Variants in CLVS1 observed in about 807,000 individuals in gnomAD.
CLVS1 encodes clavesin-1.
CLVS1 carries 10 observed loss-of-function variants against 33.1 expected under a neutral mutation model. The ratio of observed to expected loss-of-function variants is 0.30; its 90% confidence interval spans 0.19 to 0.51. The LOEUF (loss-of-function observed/expected upper bound fraction) is 0.51. Ranked by LOEUF, CLVS1 falls within the 20% of genes least tolerant of loss-of-function variation. The pLI, the probability that CLVS1 is intolerant of heterozygous loss-of-function variation, is 0.97. For synonymous variants in CLVS1, 163 were observed against 166.1 expected (o/e 0.98, Z 0.14); for missense variants, 343 against 433.4 (o/e 0.79, Z 1.85).
At chr8:61,487,663 G>A (rs2640232) in intron 5 of CLVS1, among the ~76,000 whole-genome samples, 25,538 of 152,046 alleles carry the variant, frequency 0.17, 2,295 homozygotes, top group African/African-American at 0.24. Flanking sequence ...CACAATTTTC[G>A]TGCACTGCAC....
At position 61,166,317 on chromosome 8, in the gene CLVS1, G is replaced by A. The variant is rs371251275; in HGVS notation, c.-152+34457G>A. ...TAATTTTTGTATTTTTAGTACAGACGGGATTTCACCATGTTGCCCACAATT... is the reference window on the plus strand; with the variant it reads ...TAATTTTTGTATTTTTAGTACAGACAGGATTTCACCATGTTGCCCACAATT... On this transcript the variant is annotated intron_variant, in intron 2 of 2. Transcript: ENST00000522621. Among the ~76,000 whole-genome samples the A allele has an allele frequency of 2.0e-5, 3 of 151,852 alleles. No homozygotes were observed. In the East Asian group the frequency reaches 5.8e-4, roughly 29 times the overall value.
the CLVS1 span, among the ~76,000 whole-genome samples, chr8:61,029,013 C>T: frequency 1.3e-5 from 2 of 152,202 alleles, no homozygotes; most frequent in African/African-American, 4.8e-5. Flanking sequence ...GCCTAGGGTT[C>T]TTGTTTCTAA....
At chr8:61,202,488 G>T in intron 2 of CLVS1, 1 of 906,514 alleles carries the variant, frequency 1.1e-6, no homozygotes, top group Non-Finnish European at 1.8e-6. Flanking sequence ...CTTTAAGAAC[G>T]GTCAGTTTAG....
At chr8:61,098,970 G>A (rs973236567) in intron 1 of CLVS1, among the ~76,000 whole-genome samples, 2 of 152,070 alleles carry the variant, frequency 1.3e-5, no homozygotes, top group Non-Finnish European at 2.9e-5. Flanking sequence ...AAACAAAATA[G>A]GGTAATCACT....
chr8:61,387,466 CTTTTTTT>C (rs372983692), intron 3 of CLVS1, among the ~76,000 whole-genome samples: 4 of 109,320 alleles, frequency 3.7e-5, no homozygotes, highest in African/African-American at 9.5e-5. Context: ...TGTACAGTTC[CTTTTTTT>C]TTTTTTTTTT....
the CLVS1 span, chr8:60,966,245 T>C: frequency 2.6e-6 from 1 of 388,680 alleles, no homozygotes; most frequent in Admixed American, 3.1e-5. Flanking sequence ...GCTGTGAGTC[T>C]GAAGCTTGAA....
rs556051313 is a variant in CLVS1, at chr8:61,200,784, A to G, written c.-152+68924A>G. ...TTTAAGCTTTGTCAATTCAATAGGC[A>G]ACATAATTATTTCATTTATTTCTTC... On this transcript the variant is annotated intron_variant, in intron 2 of 2. Transcript: ENST00000522621. Among the ~76,000 whole-genome samples, 36 of 152,370 alleles carry G rather than the reference A, an allele frequency of 2.4e-4. No homozygotes were observed. In the Middle Eastern group the frequency reaches 0.014, roughly 58 times the overall value.
At chr8:61,354,322 T>A (rs1313828026) in intron 2 of CLVS1, among the ~76,000 whole-genome samples, 1 of 151,966 alleles carries the variant, frequency 6.6e-6, no homozygotes, top group Non-Finnish European at 1.5e-5. Context: ...CACCAACTGT[T>A]GTTGAGGATA....
At chr8:61,194,799 T>G (rs1807568575) in intron 2 of CLVS1, among the ~76,000 whole-genome samples, 1 of 151,816 alleles carries the variant, frequency 6.6e-6, no homozygotes, top group South Asian at 2.1e-4. Context: ...ATGAAACATT[T>G]TTTAAAAACA....
At chr8:61,020,386 A>G in the CLVS1 span, among the ~76,000 whole-genome samples, 38 of 152,348 alleles carry the variant, frequency 2.5e-4, no homozygotes, top group African/African-American at 7.7e-4. Flanking sequence ...CATAATAATG[A>G]TCAGCAATAG....
At chr8:61,304,842 T>C (rs1300618731) in intron 2 of CLVS1, among the ~76,000 whole-genome samples, 1 of 152,180 alleles carries the variant, frequency 6.6e-6, no homozygotes, top group African/African-American at 2.4e-5. Flanking sequence ...GGTCAAGTAA[T>C]TTTACTTTTT....
intron 1 of CLVS1, among the ~76,000 whole-genome samples, chr8:61,112,127 G>T (rs1805638332): frequency 1.3e-5 from 2 of 151,166 alleles, no homozygotes; most frequent in African/African-American, 4.9e-5. Context: ...AGCATGATCT[G>T]CATTCCCACC....
At chr8:61,163,664 T>G (rs1806794381) in intron 2 of CLVS1, among the ~76,000 whole-genome samples, 1 of 152,148 alleles carries the variant, frequency 6.6e-6, no homozygotes, top group South Asian at 2.1e-4. Context: ...CAGTGTGTGT[T>G]ATAGCTCTGT....
At chr8:61,470,617 G>T (rs974880134) in intron 5 of CLVS1, among the ~76,000 whole-genome samples, 5 of 152,198 alleles carry the variant, frequency 3.3e-5, no homozygotes, top group Admixed American at 1.3e-4. Flanking sequence ...TTCCAATTAA[G>T]CTGATGCTGT....
chr8:61,267,191 C>G (rs1236759661), intron 2 of CLVS1, among the ~76,000 whole-genome samples: 1 of 152,178 alleles, frequency 6.6e-6, no homozygotes, highest in Non-Finnish European at 1.5e-5. Context: ...CAGCATACCA[C>G]CAGCAAGAAA....
At chr8:61,480,178 G>T (rs548271358) in intron 5 of CLVS1, among the ~76,000 whole-genome samples, 67 of 152,378 alleles carry the variant, frequency 4.4e-4, no homozygotes, top group Non-Finnish European at 7.9e-4. Context: ...CCTGCCCCCA[G>T]AGGTGGAGCC....
chr8:61,474,804 T>TA (rs113297852), intron 5 of CLVS1, among the ~76,000 whole-genome samples: 4,094 of 152,272 alleles, frequency 0.027, 77 homozygotes, highest in South Asian at 0.065. Context: ...GTCTTTTTTT[T>TA]TATATATATA....
At chr8:61,240,165 C>CT (rs1808661669) in intron 2 of CLVS1, among the ~76,000 whole-genome samples, 1 of 152,198 alleles carries the variant, frequency 6.6e-6, no homozygotes, top group African/African-American at 2.4e-5. Flanking sequence ...TATAGCGCTG[C>CT]TTTTTTTCTG....
intron 3 of CLVS1, among the ~76,000 whole-genome samples, chr8:61,380,336 A>G (rs1813820036): frequency 6.6e-6 from 1 of 152,206 alleles, no homozygotes; most frequent in African/African-American, 2.4e-5. Flanking sequence ...AGGCTTATTA[A>G]TGAGTCATTA....
Sources: allele counts gnomAD v4.1 joint callset (sites outside exome capture counted in the v4.1 genomes callset), GRCh38; gene constraint gnomAD v4.1.1; transcripts MANE v1.5; gene names NCBI Gene and HGNC (gene_info 2026-07-23, HGNC 2026-07-21).